Variants in TRPM3 observed in about 807,000 individuals in gnomAD.
TRPM3 encodes long transient receptor potential channel 3.
A neutral mutation model predicts 181.2 loss-of-function variants in TRPM3; 77 were observed. The ratio of observed to expected loss-of-function variants is 0.42; its 90% CI spans 0.35 to 0.51. The LOEUF (loss-of-function observed/expected upper bound fraction) is 0.51, where lower values mean the gene tolerates loss of function less well. Among genes scored for constraint, TRPM3 ranks in the 20% least tolerant of loss-of-function variants. The pLI is 0.01. For missense variants in TRPM3, 1,759 were observed against 2,196.7 expected, an observed-to-expected ratio of 0.80 and a Z score of 3.98; for synonymous variants, 745 against 796.4, an observed-to-expected ratio of 0.94 and a Z score of 1.09.
At chr9:70,917,597 A>G (rs2096613813) in intron 1 of TRPM3, 1 of 448,350 alleles carries the variant, frequency 2.2e-6, no homozygotes, top group South Asian at 3.3e-5. Flanking sequence ...GGCTTATACT[A>G]TAGATTCACA....
chr9:71,133,292 C>CTTTTTTTT (rs761379173), intron 1 of TRPM3, among the ~76,000 whole-genome samples: 1,677 of 72,238 alleles, frequency 0.023, 131 homozygotes, highest in African/African-American at 0.03. Flanking sequence ...TAGCAAATTG[C>CTTTTTTTT]TTTTTTTTTT....
At chr9:71,060,309 G>A (rs2133332830) in intron 1 of TRPM3, among the ~76,000 whole-genome samples, 1 of 152,188 alleles carries the variant, frequency 6.6e-6, no homozygotes, top group Middle Eastern at 3.4e-3. Context: ...CTATCCAGCT[G>A]GACAGTTTCA....
intron 1 of TRPM3, among the ~76,000 whole-genome samples, chr9:71,157,175 T>C (rs565498826): frequency 3.5e-4 from 53 of 152,278 alleles, no homozygotes; most frequent in African/African-American, 1.3e-3. Flanking sequence ...AACAGTACAT[T>C]ATCAACAAAA....
In TRPM3 at chr9:71,184,010, C is replaced by T. The variant is rs141320233; in HGVS notation, c.183+262643G>A. On this transcript the variant is annotated intron_variant, in intron 1 of 24. Coordinates refer to the TRPM3 transcript ENST00000357533. ...CAGATCAACAGCACCACAGCTTTGCCGCATCTCTCACACCCTTGCCAGGAA... is the reference window on the plus strand; with the variant it reads ...CAGATCAACAGCACCACAGCTTTGCTGCATCTCTCACACCCTTGCCAGGAA... 7.1e-3 allele frequency among the ~76,000 whole-genome samples: 1,073 copies of T among 152,160 alleles called. 8 individuals carry two copies. Among genetic ancestry groups the T allele is most frequent in the African/African-American group, 0.024 (1,016 of 41,518 alleles).
At chr9:71,201,893 A>G (rs991669977) in intron 1 of TRPM3, among the ~76,000 whole-genome samples, 1 of 152,164 alleles carries the variant, frequency 6.6e-6, no homozygotes, top group African/African-American at 2.4e-5. Flanking sequence ...CCTTTGGAGG[A>G]GGAGAGGCAC....
chr9:71,152,488 T>C (rs1290154465), intron 1 of TRPM3, among the ~76,000 whole-genome samples: 2 of 152,186 alleles, frequency 1.3e-5, no homozygotes, highest in African/African-American at 4.8e-5. Flanking sequence ...GGTTCTATTT[T>C]CCATTTAACT....
At chr9:70,875,314 A>G (rs1483363637) in intron 1 of TRPM3, among the ~76,000 whole-genome samples, 2 of 151,976 alleles carry the variant, frequency 1.3e-5, no homozygotes, top group Non-Finnish European at 2.9e-5. Flanking sequence ...TACAAGGTAT[A>G]TATAGGGCCT....
intron 8 of TRPM3, among the ~76,000 whole-genome samples, chr9:70,688,526 G>A (rs1048706953): frequency 1.3e-5 from 2 of 152,140 alleles, no homozygotes; most frequent in South Asian, 4.1e-4. Context: ...CTACTTATTA[G>A]TGAAAACATA....
At chr9:71,099,784 T>G (rs1179098844) in intron 1 of TRPM3, among the ~76,000 whole-genome samples, 1 of 152,180 alleles carries the variant, frequency 6.6e-6, no homozygotes, top group East Asian at 1.9e-4. Context: ...TTATTTGATC[T>G]TAACAACCCT....
At chr9:70,868,263 T>C (rs1428572520) in intron 1 of TRPM3, among the ~76,000 whole-genome samples, 4 of 151,978 alleles carry the variant, frequency 2.6e-5, no homozygotes, top group Non-Finnish European at 5.9e-5. Flanking sequence ...TGATGTGTAA[T>C]AGGGAAGTGT....
intron 21 of TRPM3, among the ~76,000 whole-genome samples, chr9:70,591,945 C>T (rs2058187512): frequency 6.6e-6 from 1 of 152,128 alleles, no homozygotes; most frequent in Non-Finnish European, 1.5e-5. Flanking sequence ...AGACCTGTAC[C>T]TGCTGTAGAA....
chr9:71,165,602 A>C (rs1234030589), intron 1 of TRPM3, among the ~76,000 whole-genome samples: 3 of 152,170 alleles, frequency 2.0e-5, no homozygotes, highest in African/African-American at 7.2e-5. Context: ...TCCACGCACC[A>C]GTCTTTCTCC....
chr9:71,329,630 G>A (rs771016941), intron 1 of TRPM3, among the ~76,000 whole-genome samples: 3 of 152,156 alleles, frequency 2.0e-5, no homozygotes, highest in Admixed American at 6.5e-5. Flanking sequence ...AAAATAATAT[G>A]TAGCCATGAA....
intron 7 of TRPM3, among the ~76,000 whole-genome samples, chr9:70,777,797 T>TGTAC (rs1376936467): frequency 1.3e-5 from 2 of 152,230 alleles, no homozygotes; most frequent in African/African-American, 2.4e-5. Flanking sequence ...AAACAAGCAT[T>TGTAC]CAAAAAATAC....
intron 6 of TRPM3, among the ~76,000 whole-genome samples, chr9:70,801,857 G>A (rs191815173): frequency 9.9e-5 from 15 of 152,224 alleles, no homozygotes; most frequent in African/African-American, 2.9e-4. Flanking sequence ...TTAAAACCCC[G>A]ATTCTAATGT....
intron 1 of TRPM3, among the ~76,000 whole-genome samples, chr9:70,954,257 C>G (rs770334487): frequency 1.3e-5 from 2 of 152,196 alleles, no homozygotes; most frequent in Non-Finnish European, 2.9e-5. Flanking sequence ...CATTATTCCT[C>G]CAGCCCAGTG....
chr9:71,066,727 T>A (rs553391219), intron 1 of TRPM3, among the ~76,000 whole-genome samples: 2 of 152,196 alleles, frequency 1.3e-5, no homozygotes, highest in South Asian at 2.1e-4. Flanking sequence ...ATTCTCTTTT[T>A]TATGAGATGT....
chr9:70,610,749 C>A lies in TRPM3; in HGVS notation c.2527G>T (p.Ala843Ser). 6.2e-7 allele frequency: 1 copy of A among 1,614,000 alleles called. No homozygotes were observed. Among genetic ancestry groups the A allele is most frequent in the Non-Finnish European group, 8.5e-7 (1 of 1,179,920 alleles). ...EKEEEDMELT[A>S]MLGRNNGESS... Reference sequence around the variant, plus strand: ...TCCCCGTTGTTTCGTCCCAACATTGCCTATGTTGGAAGAGAATCGATACCA... The same window carrying A: ...TCCCCGTTGTTTCGTCCCAACATTGACTATGTTGGAAGAGAATCGATACCA... Residue 843 changes from alanine (A) to serine (S), a missense_variant and splice_region_variant, in exon 19 of 26, where the codon GCA (alanine) becomes TCA (serine). This residue lies in a region of TRPM3 where 114 missense variants were observed against 134.8 expected (regional missense o/e 0.85). Coordinates refer to ENST00000677713, the MANE Select transcript of TRPM3 (RefSeq NM_001366145.2).
chr9:71,267,334 C>T (rs1289992400), intron 1 of TRPM3, among the ~76,000 whole-genome samples: 1 of 152,184 alleles, frequency 6.6e-6, no homozygotes, highest in African/African-American at 2.4e-5. Context: ...TGTTTACCCT[C>T]ATTCTAGACT....
Sources: allele counts gnomAD v4.1 joint callset (sites outside exome capture counted in the v4.1 genomes callset), GRCh38; gene constraint gnomAD v4.1.1; regional missense constraint gnomAD v4.1.1; transcripts MANE v1.5; gene names NCBI Gene and HGNC (gene_info 2026-07-23, HGNC 2026-07-21).